The following PPIP5K2 variants were observed in gnomAD, a reference collection of about 807,000 sequenced individuals.
PPIP5K2 encodes the protein diphosphoinositol pentakisphosphate kinase 2.
PPIP5K2 carries 105 observed loss-of-function variants against 154.6 expected under a neutral mutation model. The observed-to-expected ratio is 0.68, with a 90% CI of 0.58 to 0.80. The LOEUF is 0.80. Among genes scored for constraint, PPIP5K2 ranks in the 30% least tolerant of loss-of-function variants. The pLI, the probability that PPIP5K2 is intolerant of heterozygous loss-of-function variation, is 0.00. For missense variants in PPIP5K2, 992 were observed against 1,504.6 expected, an observed-to-expected ratio of 0.66 and a Z score of 5.64; for synonymous variants, 480 against 490.3, an observed-to-expected ratio of 0.98 and a Z score of 0.28.
intron 8 of PPIP5K2, among the ~76,000 whole-genome samples, chr5:103,150,957 G>T (rs2149565016): frequency 7.2e-6 from 1 of 139,232 alleles, no homozygotes; most frequent in African/African-American, 2.6e-5. Flanking sequence ...AATGTTAATT[G>T]AAGAACTTTG....
At chr5:103,123,202 G>T (rs1330078931) in intron 1 of PPIP5K2, among the ~76,000 whole-genome samples, 1 of 152,170 alleles carries the variant, frequency 6.6e-6, no homozygotes, top group Non-Finnish European at 1.5e-5. Context: ...ATTTGCTGTG[G>T]CATCTGTATT....
rs1393291945 is a variant in PPIP5K2 at position 103,205,586 on chromosome 5, C to T, written c.*3952C>T. 1 of 152,158 alleles carries T rather than the reference C, an allele frequency of 6.6e-6. No homozygotes were observed. The highest frequency in any genetic ancestry group is 2.4e-5 in the African/African-American group (1 of 41,430). The allele number at this position is 152,158 out of a possible 1,614,324, so 9.4% of individuals were successfully genotyped here. On this transcript the variant is annotated 3_prime_UTR_variant, in exon 31 of 31. Transcript: ENST00000358359. ...GATATCTCATTGAGATTTTTATAAACTGCTTTTCTTTTGGTTCATGTGCTT... is the reference window on the plus strand; with the variant it reads ...GATATCTCATTGAGATTTTTATAAATTGCTTTTCTTTTGGTTCATGTGCTT...
chr5:103,133,369 C>G (rs571688432), intron 2 of PPIP5K2, 84 bp from the exon 3 acceptor site: 1 of 1,126,110 alleles, frequency 8.9e-7, no homozygotes, highest in African/African-American at 1.6e-5. Context: ...CATGCCTTAT[C>G]TACTTTTGGA....
chr5:103,167,847 T>C (rs1466340732), intron 18 of PPIP5K2, among the ~76,000 whole-genome samples: 1 of 151,946 alleles, frequency 6.6e-6, no homozygotes, highest in Non-Finnish European at 1.5e-5. Context: ...TTTTTCTTCT[T>C]ATTGTTATTA....
At chr5:103,170,006 A>G (rs542822720) in intron 19 of PPIP5K2, among the ~76,000 whole-genome samples, 2 of 151,662 alleles carry the variant, frequency 1.3e-5, no homozygotes, top group South Asian at 2.1e-4. Context: ...GTGCCATTGC[A>G]TTGCTTATTT....
At chr5:103,190,614 G>A (rs1562501390) in intron 28 of PPIP5K2, among the ~76,000 whole-genome samples, 1 of 151,576 alleles carries the variant, frequency 6.6e-6, no homozygotes, top group Non-Finnish European at 1.5e-5. Context: ...GAAATTGTGT[G>A]CATGCGATAC....
At chr5:103,149,362 T>C (rs575960480) in intron 8 of PPIP5K2, 49 bp downstream of exon 8, 9 of 1,519,446 alleles carry the variant, frequency 5.9e-6, no homozygotes, top group Non-Finnish European at 8.0e-6. Context: ...AAATTCTAAT[T>C]TTCTTTTTTG....
Position 103,168,184 on chromosome 5 carries a change from C to T in PPIP5K2, c.2175C>T (p.Asp725=), listed in dbSNP as rs36114228. 943 of 1,607,346 alleles carry T rather than the reference C, an allele frequency of 5.9e-4. 6 individuals are homozygous for T. The African/African-American group carries it at 0.011, about 19-fold the overall frequency. ...GATATGATATTAGTAAAATCCCTGA[C>T]ATATATGACTGTATAAAATATGATG... The part of the protein sequence containing the change: ...NGRYDISKIP[D]IYDCIKYDVQ... Residue 725 remains aspartate (D), a synonymous_variant, in exon 19 of 31, where the codon GAC becomes GAT. Transcript: ENST00000358359.
At chr5:103,160,104 C>A (rs1554215134) in intron 17 of PPIP5K2, among the ~76,000 whole-genome samples, 1 of 152,074 alleles carries the variant, frequency 6.6e-6, no homozygotes, top group African/African-American at 2.4e-5. Context: ...GGATTTCCTT[C>A]TTTTTTAAGG....
intron 10 of PPIP5K2, 97 bp from the exon 11 acceptor site, chr5:103,153,751 T>A (rs1794988406): frequency 1.4e-6 from 1 of 739,808 alleles, no homozygotes; most frequent in African/African-American, 1.9e-5. Flanking sequence ...TGGTAAAAGA[T>A]GGCTTTAAAT....
intron 17 of PPIP5K2, among the ~76,000 whole-genome samples, chr5:103,161,826 T>G (rs750257257): frequency 1.3e-5 from 2 of 152,034 alleles, no homozygotes; most frequent in Non-Finnish European, 2.9e-5. Flanking sequence ...TAAATTTCTT[T>G]GAGTTCTTTG....
intron 5 of PPIP5K2, among the ~76,000 whole-genome samples, chr5:103,142,172 C>G (rs926892470): frequency 6.6e-6 from 1 of 152,248 alleles, no homozygotes; most frequent in African/African-American, 2.4e-5. Context: ...GTCCCGAGCC[C>G]TGCCCTGCGG....
intron 14 of PPIP5K2, among the ~76,000 whole-genome samples, chr5:103,157,118 A>AG (rs1795530051): frequency 6.6e-6 from 1 of 152,170 alleles, no homozygotes; most frequent in Non-Finnish European, 1.5e-5. Context: ...AACTTGCTGC[A>AG]GGGGAAGGGG....
intron 11 of PPIP5K2, among the ~76,000 whole-genome samples, chr5:103,154,461 A>T (rs1037921709): frequency 6.6e-6 from 1 of 152,052 alleles, no homozygotes; most frequent in Admixed American, 6.5e-5. Flanking sequence ...TATGGTGATT[A>T]TTAGTTTGGT....
At chr5:103,178,725 T>C (rs1799086424) in intron 23 of PPIP5K2, among the ~76,000 whole-genome samples, 1 of 151,608 alleles carries the variant, frequency 6.6e-6, no homozygotes, top group Non-Finnish European at 1.5e-5. Flanking sequence ...CTTGGTATAT[T>C]TCTGAGTTTA....
At chr5:103,149,504 C>A (rs1554210561) in intron 8 of PPIP5K2, among the ~76,000 whole-genome samples, 191 bp downstream of exon 8, 1 of 151,738 alleles carries the variant, frequency 6.6e-6, no homozygotes, top group Non-Finnish European at 1.5e-5. Flanking sequence ...TAAAAGAAAA[C>A]CTGGTCAATT....
Position 103,207,196 on chromosome 5 carries a change from G to A in PPIP5K2, c.*5562G>A, listed in dbSNP as rs1237324518. 1 of 152,254 alleles carries A rather than the reference G, an allele frequency of 6.6e-6. No homozygotes were observed. Among genetic ancestry groups the A allele is most frequent in the East Asian group, 1.9e-4 (1 of 5,198 alleles). The allele number at this position is 152,254 out of a possible 1,614,324, so 9.4% of individuals were successfully genotyped here. On this transcript the variant is annotated 3_prime_UTR_variant, in exon 31 of 31. Transcript: ENST00000358359. ...ACAAAGCCTGTCAGGCAAAGCCTTTGTAATTGCTTATGGTCAGGCCTGAAA... is the reference window on the plus strand; with the variant it reads ...ACAAAGCCTGTCAGGCAAAGCCTTTATAATTGCTTATGGTCAGGCCTGAAA...
In PPIP5K2 at chr5:103,168,098, T is replaced by C. The variant is rs143018291; in HGVS notation, c.2089T>C (p.Leu697=). ...SDIQLYHSET[L]ELMLRRWSKL... ...TATTCAGCTTTACCATAGTGAAACA[T>C]TGGAGCTTATGCTACGTAGATGGTC... Residue 697 remains leucine (L), a synonymous_variant, in exon 19 of 31, where the codon TTG becomes CTG. Transcript: ENST00000358359. 3.9e-5 allele frequency: 62 copies of C among 1,607,684 alleles called. 1 individual carries two copies. In the African/African-American group the frequency reaches 5.5e-4, roughly 14 times the overall value.
chr5:103,136,054 C>T (rs1791447739), intron 3 of PPIP5K2: 2 of 150,894 alleles, frequency 1.3e-5, no homozygotes, highest in African/African-American at 4.9e-5. Flanking sequence ...TCACCGCAAC[C>T]TCCACCTCCT....
Sources: allele counts gnomAD v4.1 joint callset (sites outside exome capture counted in the v4.1 genomes callset), GRCh38; gene constraint gnomAD v4.1.1; transcripts MANE v1.5; gene names NCBI Gene and HGNC (gene_info 2026-07-23, HGNC 2026-07-21).